Variants in PEX5L observed in about 807,000 individuals in gnomAD.
The protein encoded by PEX5L is peroxisomal biogenesis factor 5 like, also known as PEX5-related protein.
Under a neutral mutation model 84.0 loss-of-function variants are expected in PEX5L, and 30 were observed. The ratio of observed to expected loss-of-function variants is 0.36; its 90% CI spans 0.27 to 0.48. The LOEUF is 0.48. PEX5L is among the 20% of genes least tolerant of loss of function. PEX5L has a pLI of 0.99. For synonymous variants in PEX5L, 270 were observed against 283.1 expected (o/e 0.95, Z 0.46); for missense variants, 533 against 754.6 (o/e 0.71, Z 3.44).
chr3:179,890,443 C>G (rs1269220411), intron 3 of PEX5L, among the ~76,000 whole-genome samples: 1 of 152,188 alleles, frequency 6.6e-6, no homozygotes, highest in Admixed American at 6.5e-5. Flanking sequence ...ACCAATACAA[C>G]TGTGACTTTC....
chr3:179,939,338 C>T (rs1775437229), intron 2 of PEX5L, among the ~76,000 whole-genome samples: 1 of 152,164 alleles, frequency 6.6e-6, no homozygotes, highest in Non-Finnish European at 1.5e-5. Flanking sequence ...ACCAGAAGCA[C>T]CCACATACCT....
Position 179,884,165 on chromosome 3 carries a change from C to T in PEX5L, c.310+3508G>A, listed in dbSNP as rs546772761. 2.4e-4 allele frequency among the ~76,000 whole-genome samples: 37 copies of T among 152,234 alleles called. No homozygotes were observed. The South Asian group carries it at 3.1e-3, about 13-fold the overall frequency. ...TCACACAGCTGGTGTGGTAGAAAAA[C>T]GCCCCCCTCTAATATGGCCACATTC... is the stretch of plus-strand genomic sequence containing the variant. On this transcript the variant is annotated intron_variant, in intron 4 of 14. Coordinates refer to ENST00000467460, the MANE Select transcript of PEX5L (RefSeq NM_016559.3).
intron 8 of PEX5L, among the ~76,000 whole-genome samples, chr3:179,827,335 C>A (rs920808543): frequency 1.3e-5 from 2 of 152,182 alleles, no homozygotes; most frequent in African/African-American, 4.8e-5. Context: ...GAAGCCCAAG[C>A]CTCAAAGGCC....
intron 2 of PEX5L, among the ~76,000 whole-genome samples, chr3:179,923,967 C>G (rs548099825): frequency 6.6e-6 from 1 of 152,242 alleles, no homozygotes; most frequent in East Asian, 1.9e-4. Flanking sequence ...ATGTTTACGT[C>G]GGCAGTGAAT....
chr3:179,970,187 T>C (rs1266907585), intron 2 of PEX5L, among the ~76,000 whole-genome samples: 1 of 151,916 alleles, frequency 6.6e-6, no homozygotes, highest in Non-Finnish European at 1.5e-5. Context: ...AGGAAGAAAA[T>C]AACTAATTTT....
chr3:179,869,625 C>G (rs928373411), intron 7 of PEX5L, among the ~76,000 whole-genome samples: 11 of 152,192 alleles, frequency 7.2e-5, no homozygotes, highest in African/African-American at 2.7e-4. Flanking sequence ...ATTCCCCTGT[C>G]TCTTGCCCCT....
At chr3:179,879,482 C>G (rs959277993) in intron 5 of PEX5L, among the ~76,000 whole-genome samples, 6 of 152,118 alleles carry the variant, frequency 3.9e-5, no homozygotes, top group African/African-American at 1.2e-4. Context: ...TGTAACCCAC[C>G]ATCAAATGGT....
At chr3:179,916,150 A>T (rs773639224) in intron 2 of PEX5L, among the ~76,000 whole-genome samples, 1 of 152,204 alleles carries the variant, frequency 6.6e-6, no homozygotes, top group African/African-American at 2.4e-5. Flanking sequence ...TTGATAGTAC[A>T]GTCATGCATT....
chr3:180,033,004 A>T (rs979698765), intron 1 of PEX5L, among the ~76,000 whole-genome samples: 1 of 152,246 alleles, frequency 6.6e-6, no homozygotes, highest in Non-Finnish European at 1.5e-5. Context: ...AACGTTCTAC[A>T]GTCTTACCTT....
At chr3:180,006,364 T>C (rs1182628340) in intron 1 of PEX5L, among the ~76,000 whole-genome samples, 1 of 142,110 alleles carries the variant, frequency 7.0e-6, no homozygotes. Context: ...AAAGTTTTCA[T>C]TATTTTTTTT....
chr3:179,867,650 C>T (rs950207838), intron 7 of PEX5L, among the ~76,000 whole-genome samples: 1 of 152,162 alleles, frequency 6.6e-6, no homozygotes, highest in African/African-American at 2.4e-5. Context: ...CAGCTTTAGT[C>T]TAACTCCTCT....
chr3:179,846,275 G>A (rs1453045696), intron 8 of PEX5L, among the ~76,000 whole-genome samples: 1 of 152,190 alleles, frequency 6.6e-6, no homozygotes, highest in Non-Finnish European at 1.5e-5. Context: ...GGCATACAAT[G>A]TGTAACAATC....
intron 8 of PEX5L, among the ~76,000 whole-genome samples, chr3:179,847,492 C>A (rs1358899453): frequency 6.6e-6 from 1 of 152,058 alleles, no homozygotes; most frequent in Non-Finnish European, 1.5e-5. Flanking sequence ...ATATACCCAG[C>A]ATATTAAAGC....
intron 8 of PEX5L, among the ~76,000 whole-genome samples, chr3:179,846,191 ATAGT>A (rs550456348): frequency 5.1e-4 from 77 of 152,184 alleles, no homozygotes; most frequent in Admixed American, 1.2e-3. Context: ...AAAAACTATG[ATAGT>A]TAGTTTTTAA....
Position 179,918,024 on chromosome 3 carries a change from T to A in PEX5L, c.94-19778A>T, listed in dbSNP as rs1424138428. Among the ~76,000 whole-genome samples the A allele has an allele frequency of 2.0e-5, 3 of 152,278 alleles. No homozygotes were observed. In the East Asian group the frequency reaches 5.8e-4, roughly 29 times the overall value. ...CAACTCTTTGAGGTATATGCTTTCATTATGACCATTTTAAAGATGCAGAAA... is the reference window on the plus strand; with the variant it reads ...CAACTCTTTGAGGTATATGCTTTCAATATGACCATTTTAAAGATGCAGAAA... On this transcript the variant is annotated intron_variant, in intron 2 of 14. Transcript: ENST00000467460.
intron 2 of PEX5L, among the ~76,000 whole-genome samples, chr3:179,898,827 G>GA (rs1225184441): frequency 6.6e-6 from 1 of 151,922 alleles, no homozygotes; most frequent in African/African-American, 2.4e-5. Context: ...TAAACTTCAT[G>GA]AAAAAAACAT....
chr3:179,887,181 C>A (rs1756158374), intron 4 of PEX5L, among the ~76,000 whole-genome samples: 2 of 152,112 alleles, frequency 1.3e-5, no homozygotes, highest in Non-Finnish European at 2.9e-5. Flanking sequence ...TAACGGGGAG[C>A]AAGTAACACA....
chr3:179,918,818 T>A (rs112492951), intron 2 of PEX5L, among the ~76,000 whole-genome samples: 2 of 152,192 alleles, frequency 1.3e-5, no homozygotes, highest in Non-Finnish European at 2.9e-5. Context: ...GAATTTTCAA[T>A]GGTATAAGTG....
chr3:179,989,665 T>G (rs1046482338), intron 1 of PEX5L, among the ~76,000 whole-genome samples: 2 of 152,186 alleles, frequency 1.3e-5, no homozygotes, highest in African/African-American at 2.4e-5. Context: ...TCCCATAAAC[T>G]TGGCCTTATG....
Sources: gnomAD v4.1 joint callset for allele counts (sites outside exome capture counted in the v4.1 genomes callset) on GRCh38, gnomAD v4.1.1 for gene constraint, MANE v1.5 for transcripts, NCBI Gene and HGNC (gene_info 2026-07-23, HGNC 2026-07-21) for gene names.